The following ZNF469 variants were observed in gnomAD, a reference collection of about 807,000 sequenced individuals.
ZNF469 encodes zinc finger protein 469.
Under a neutral mutation model 1.0 loss-of-function variants are expected in ZNF469, and 1 was observed. The ratio of observed to expected loss-of-function variants is 1.00; its 90% confidence interval spans 0.35 to 4.73. The LOEUF is 4.73. ZNF469 is among the 30% of genes most tolerant of loss of function. The probability of loss-of-function intolerance (pLI) is 0.16; values close to 1 mark genes in which losing one functional copy is unlikely to be tolerated. For missense variants in ZNF469, 6,100 were observed against 5,356.3 expected (o/e 1.14, Z -4.33); for synonymous variants, 2,703 against 2,363.4 (o/e 1.14, Z -4.17).
chr16:88,233,727 G>A, the ZNF469 span, among the ~76,000 whole-genome samples: 1 of 152,260 alleles, frequency 6.6e-6, no homozygotes, highest in East Asian at 1.9e-4. Context: ...GCCTGGCTGT[G>A]CCGAGGTGCC....
the ZNF469 span, among the ~76,000 whole-genome samples, chr16:88,261,894 G>A: frequency 6.6e-5 from 10 of 152,220 alleles, no homozygotes; most frequent in South Asian, 4.2e-4. The surrounding 1 kb of genome is among the most constrained non-coding windows in gnomAD (Gnocchi z 6.0). Flanking sequence ...ATGAGGACTC[G>A]GAGGCCCCCT....
the ZNF469 span, among the ~76,000 whole-genome samples, chr16:88,228,833 A>AT: frequency 6.6e-6 from 1 of 152,098 alleles, no homozygotes; most frequent in Admixed American, 6.5e-5. Context: ...AATGGCTTTT[A>AT]TTTTTAATGC....
At chr16:88,299,315 G>A in the ZNF469 span, among the ~76,000 whole-genome samples, 1 of 151,898 alleles carries the variant, frequency 6.6e-6, no homozygotes, top group Admixed American at 6.5e-5. Context: ...GCTTGCAGCA[G>A]GAGAGGGCTT....
At chr16:88,377,599 C>T in the ZNF469 span, among the ~76,000 whole-genome samples, 1 of 152,200 alleles carries the variant, frequency 6.6e-6, no homozygotes, top group Non-Finnish European at 1.5e-5. Context: ...CTCAGCCGGG[C>T]TCCAGGCCCT....
At chr16:88,247,677 ATGAC>A in the ZNF469 span, among the ~76,000 whole-genome samples, 19 of 151,436 alleles carry the variant, frequency 1.3e-4, no homozygotes, top group African/African-American at 4.4e-4. Context: ...TGAATCGTGA[ATGAC>A]TGAATGAGTG....
chr16:88,242,744 C>G, the ZNF469 span, among the ~76,000 whole-genome samples: 1 of 152,240 alleles, frequency 6.6e-6, no homozygotes, highest in African/African-American at 2.4e-5. Flanking sequence ...TAGCCATTGC[C>G]TGAAAGCATG....
chr16:88,154,598 C>T, the ZNF469 span, among the ~76,000 whole-genome samples: 2 of 152,254 alleles, frequency 1.3e-5, no homozygotes, highest in African/African-American at 4.8e-5. Context: ...ATCCCCATCA[C>T]CATTTGCTGA....
the ZNF469 span, among the ~76,000 whole-genome samples, chr16:88,246,834 G>A: frequency 6.6e-6 from 1 of 152,032 alleles, no homozygotes; most frequent in Non-Finnish European, 1.5e-5. Flanking sequence ...ATGAGTGAGT[G>A]AATGGTGAAT....
chr16:88,324,035 C>T, the ZNF469 span, among the ~76,000 whole-genome samples: 1 of 152,362 alleles, frequency 6.6e-6, no homozygotes, highest in South Asian at 2.1e-4. Context: ...CAGCAGCTCA[C>T]CTCAGTGACA....
At chr16:88,247,227 TGAGG>T in the ZNF469 span, among the ~76,000 whole-genome samples, 2 of 150,290 alleles carry the variant, frequency 1.3e-5, no homozygotes, top group Non-Finnish European at 2.9e-5. Context: ...AGTGAGTGAA[TGAGG>T]GAGTGAATGG....
At chr16:88,267,430 G>T in the ZNF469 span, among the ~76,000 whole-genome samples, 515 of 152,350 alleles carry the variant, frequency 3.4e-3, 1 homozygote, top group Non-Finnish European at 5.7e-3. Flanking sequence ...AGTGCTGTCC[G>T]TTCAGACGTG....
chr16:88,209,842 C>A, the ZNF469 span, among the ~76,000 whole-genome samples: 6 of 152,184 alleles, frequency 3.9e-5, no homozygotes, highest in East Asian at 1.2e-3. Context: ...TAATATTTTG[C>A]AATTACATGC....
At chr16:88,188,597 C>T in the ZNF469 span, among the ~76,000 whole-genome samples, 1 of 152,212 alleles carries the variant, frequency 6.6e-6, no homozygotes, top group South Asian at 2.1e-4. Flanking sequence ...TCCCCAGGCA[C>T]CACTGCCAGG....
At chr16:88,158,797 G>A in the ZNF469 span, among the ~76,000 whole-genome samples, 3 of 152,324 alleles carry the variant, frequency 2.0e-5, no homozygotes, top group East Asian at 3.9e-4. Flanking sequence ...GACAGGACTG[G>A]GGTCTGGGGG....
the ZNF469 span, among the ~76,000 whole-genome samples, chr16:88,135,534 G>A: frequency 2.0e-5 from 3 of 152,134 alleles, no homozygotes; most frequent in East Asian, 1.9e-4. Flanking sequence ...TGGGGTGTTC[G>A]TGTCACCTTG....
the ZNF469 span, among the ~76,000 whole-genome samples, chr16:88,204,286 C>T: frequency 1.3e-4 from 19 of 151,948 alleles, no homozygotes; most frequent in Non-Finnish European, 2.5e-4. Flanking sequence ...GGAGGTGCCC[C>T]GTAACCTCAT....
At chr16:88,193,102 ATGGTGGTGG>A in the ZNF469 span, among the ~76,000 whole-genome samples, 3 of 30,562 alleles carry the variant, frequency 9.8e-5, no homozygotes, top group East Asian at 3.9e-3. Flanking sequence ...GATGGTGTTG[ATGGTGGTGG>A]TGGTGATGGT....
the ZNF469 span, among the ~76,000 whole-genome samples, chr16:88,129,589 C>T: frequency 1.3e-5 from 2 of 152,188 alleles, no homozygotes; most frequent in Admixed American, 6.5e-5. Context: ...AGTGGTGGTT[C>T]ATGCCTATAA....
rs1340399332 is a variant in ZNF469 at position 88,428,109 on chromosome 16, C to G, written c.639C>G (p.Ser213Arg). ...PRPPAPGPPQ[S>R]RGTSPLQPGS... ...CCCCAGCCCCGGGGCCCCCCCAGAG[C>G]AGGGGCACCAGCCCCCTCCAGCCCG... The change falls in exon 3 of 3, where the codon AGC becomes AGG. Residue 213 changes from serine (S) to arginine (R), a missense_variant. Physicochemically the swap from Ser to Arg is moderately radical, Grantham distance 110. Transcript: ENST00000565624. 1 of 1,549,634 alleles carries G rather than the reference C, an allele frequency of 6.5e-7. No homozygotes were observed.
Sources: allele counts gnomAD v4.1 joint callset (sites outside exome capture counted in the v4.1 genomes callset), GRCh38; gene constraint gnomAD v4.1.1; non-coding constraint Gnocchi (gnomAD v3.1); transcripts MANE v1.5; gene names NCBI Gene and HGNC (gene_info 2026-07-23, HGNC 2026-07-21).